The following PDE4D variants were observed in gnomAD, a reference collection of about 807,000 sequenced individuals.
PDE4D encodes 3',5'-cyclic-AMP phosphodiesterase 4D.
PDE4D carries 24 observed loss-of-function variants against 87.4 expected under a neutral mutation model. The observed-to-expected ratio is 0.27, with a 90% CI of 0.20 to 0.39. PDE4D has a LOEUF of 0.39. Ranked by LOEUF, PDE4D falls within the 10% of genes least tolerant of loss-of-function variation. PDE4D has a pLI of 1.00. For synonymous variants in PDE4D, 384 were observed against 383.2 expected (o/e 1.00, Z -0.02); for missense variants, 714 against 1,041.0 (o/e 0.69, Z 4.32).
intron 3 of PDE4D, among the ~76,000 whole-genome samples, chr5:59,920,243 A>AGAT (rs1193183683): frequency 2.0e-5 from 3 of 152,214 alleles, no homozygotes; most frequent in Admixed American, 2.0e-4. Flanking sequence ...GTATGGCTGC[A>AGAT]GATAAGAATA....
chr5:59,689,502 G>A (rs298077), intron 1 of PDE4D, among the ~76,000 whole-genome samples: 5 of 152,142 alleles, frequency 3.3e-5, no homozygotes, highest in South Asian at 4.1e-4. Flanking sequence ...CAGAAAAGGC[G>A]TTTGACAAAA....
intron 6 of PDE4D, among the ~76,000 whole-genome samples, chr5:59,023,657 A>AAAAAC (rs1462557549): frequency 6.6e-6 from 1 of 152,056 alleles, no homozygotes; most frequent in East Asian, 1.9e-4. Flanking sequence ...ACTTGTCTCC[A>AAAAAC]AAAACAAAAC....
At chr5:59,400,991 C>T (rs1158707339) in intron 1 of PDE4D, among the ~76,000 whole-genome samples, 2 of 152,178 alleles carry the variant, frequency 1.3e-5, no homozygotes, top group Non-Finnish European at 2.9e-5. Context: ...ATCCAAAATG[C>T]TCCAAAGTCT....
chr5:59,590,907 G>A lies in PDE4D; in HGVS notation c.455+302261C>T, dbSNP rs182623298. On this transcript the variant is annotated intron_variant, in intron 1 of 14. Transcript: ENST00000340635. Reference sequence around the variant, plus strand: ...TCAGAGCCAGAAGTATTAACTAGCCGGTGTCCCACGTCCTTTTCCAATAAA... The same window carrying A: ...TCAGAGCCAGAAGTATTAACTAGCCAGTGTCCCACGTCCTTTTCCAATAAA... Among the ~76,000 whole-genome samples the A allele has an allele frequency of 4.1e-4, 63 of 152,184 alleles. 1 individual carries two copies. The South Asian group carries it at 6.8e-3, about 17-fold the overall frequency.
At chr5:60,258,363 A>C (rs1749313390) in intron 1 of PDE4D, among the ~76,000 whole-genome samples, 1 of 152,054 alleles carries the variant, frequency 6.6e-6, no homozygotes, top group Non-Finnish European at 1.5e-5. Flanking sequence ...ATGAGAAAAG[A>C]TTTGACCTCA....
chr5:60,440,619 G>C (rs978987666), intron 1 of PDE4D, among the ~76,000 whole-genome samples: 1 of 152,120 alleles, frequency 6.6e-6, no homozygotes, highest in Non-Finnish European at 1.5e-5. Context: ...GGAAGCAAAA[G>C]ATAGATATTG....
chr5:59,567,818 C>T (rs1821194847), intron 1 of PDE4D, among the ~76,000 whole-genome samples: 3 of 151,956 alleles, frequency 2.0e-5, no homozygotes, highest in Non-Finnish European at 4.4e-5. Flanking sequence ...CTAGAATGAC[C>T]CATGTGGTAA....
chr5:60,154,307 C>T (rs1781773098), intron 2 of PDE4D, among the ~76,000 whole-genome samples: 1 of 151,554 alleles, frequency 6.6e-6, no homozygotes, highest in South Asian at 2.1e-4. Context: ...GACAGAGTCT[C>T]AGTCTCTTGC....
chr5:59,341,351 G>C (rs244573), intron 1 of PDE4D, among the ~76,000 whole-genome samples: 44,441 of 152,098 alleles, frequency 0.29, 7,283 homozygotes, highest in Non-Finnish European at 0.37. Context: ...ATCCACACGA[G>C]AGCTCCGTTG....
chr5:60,001,363 G>T (rs1000181538), intron 2 of PDE4D, among the ~76,000 whole-genome samples: 2 of 152,062 alleles, frequency 1.3e-5, no homozygotes, highest in African/African-American at 4.8e-5. Flanking sequence ...AACATTGAAA[G>T]AAAAAAGCCT....
chr5:60,252,363 C>T (rs572350940), intron 1 of PDE4D, among the ~76,000 whole-genome samples: 1 of 147,220 alleles, frequency 6.8e-6, no homozygotes, highest in African/African-American at 2.5e-5. Context: ...CCAATTGGCA[C>T]AATTAATATT....
intron 1 of PDE4D, chr5:60,460,835 G>A: frequency 2.1e-6 from 1 of 480,042 alleles, no homozygotes; most frequent in Non-Finnish European, 3.7e-6. Context: ...TTAAAATTGA[G>A]CAATAACACA....
intron 1 of PDE4D, among the ~76,000 whole-genome samples, chr5:59,750,945 CA>C (rs34787047): frequency 0.054 from 3,721 of 68,710 alleles, 39 homozygotes; most frequent in Admixed American, 0.075. Context: ...GACCCTGTCT[CA>C]AAAAAAAAAA....
chr5:59,267,404 C>A (rs1270783304), intron 1 of PDE4D, among the ~76,000 whole-genome samples: 2 of 152,018 alleles, frequency 1.3e-5, no homozygotes, highest in Non-Finnish European at 2.9e-5. Flanking sequence ...AATTTCTCAT[C>A]TTTGATGTAT....
chr5:59,413,854 CTGAATGAATCAATACACA>C (rs1373392853), intron 1 of PDE4D, among the ~76,000 whole-genome samples: 1 of 152,168 alleles, frequency 6.6e-6, no homozygotes, highest in Non-Finnish European at 1.5e-5. Context: ...CTTGTGGGGA[CTGAATGAATCAATACACA>C]TGAAAGTGCC....
At chr5:59,084,458 A>T (rs1370606368) in intron 5 of PDE4D, among the ~76,000 whole-genome samples, 1 of 151,986 alleles carries the variant, frequency 6.6e-6, no homozygotes, top group East Asian at 1.9e-4. Flanking sequence ...CAGGCTACAT[A>T]GGGACTATTT....
At chr5:60,043,265 A>T (rs2136200) in intron 2 of PDE4D, among the ~76,000 whole-genome samples, 76,884 of 151,536 alleles carry the variant, frequency 0.51, 19,958 homozygotes, top group East Asian at 0.83. Flanking sequence ...TGAAAGGGAA[A>T]GAACAAAGCC....
chr5:60,336,691 TG>T (rs1757780707), intron 1 of PDE4D, among the ~76,000 whole-genome samples: 1 of 152,212 alleles, frequency 6.6e-6, no homozygotes, highest in South Asian at 2.1e-4. Context: ...AGTGTCTGAA[TG>T]GCTGAATGAT....
intron 1 of PDE4D, among the ~76,000 whole-genome samples, chr5:59,762,878 TATATATATATATATAG>T (rs1229612351): frequency 3.0e-5 from 4 of 132,334 alleles, no homozygotes; most frequent in Non-Finnish European, 4.9e-5. Flanking sequence ...TATATATATA[TATATATATATATATAG>T]CTTGCTCTTT....
Sources: gnomAD v4.1 joint callset for allele counts (sites outside exome capture counted in the v4.1 genomes callset) on GRCh38, gnomAD v4.1.1 for gene constraint, MANE v1.5 for transcripts, NCBI Gene and HGNC (gene_info 2026-07-23, HGNC 2026-07-21) for gene names.